The following GUF1 variants were observed in gnomAD, a reference collection of about 807,000 sequenced individuals.
The protein encoded by GUF1 is translation factor GUF1, mitochondrial.
In GUF1, 78 loss-of-function variants were observed where a neutral mutation model predicts 82.4. That is an observed-to-expected ratio of 0.95 (90% CI 0.79 to 1.14). The LOEUF is 1.14. Among genes scored for constraint, GUF1 ranks in the 50% most tolerant of loss-of-function variants. GUF1 has a pLI of 0.00. For synonymous variants in GUF1, 279 were observed against 282.3 expected (o/e 0.99, Z 0.12); for missense variants, 814 against 798.2 (o/e 1.02, Z -0.24).
In GUF1 at chr4:44,686,627, T is replaced by C. The variant is rs1191434520; in HGVS notation, c.852T>C (p.Asp284=). ...ALFDGVVSKG[D]KIVSAHTQKT... ...TTGACGGAGTGGTTTCCAAAGGAGA[T>C]AAAATTGTATCTGCACATACTCAAA... is the stretch of plus-strand genomic sequence containing the variant. The change falls in exon 8 of 17, where the codon GAT becomes GAC. Residue 284 remains aspartate, a synonymous_variant. Transcript: ENST00000281543. The C allele has an allele frequency of 6.2e-7, 1 of 1,612,118 alleles. No individual in the cohort carries two copies. Among genetic ancestry groups the C allele is most frequent in the Non-Finnish European group, 8.5e-7 (1 of 1,178,520 alleles).
At chr4:44,695,834 T>C in intron 15 of GUF1, 100 bp downstream of exon 15, 1 of 1,195,776 alleles carries the variant, frequency 8.4e-7, no homozygotes, top group Non-Finnish European at 1.2e-6. Context: ...TGGCCTAAGC[T>C]TTCTTACTTG....
At position 44,695,749 on chromosome 4, in the gene GUF1, A is replaced by G. The variant is rs772036365; in HGVS notation, c.1835+15A>G. ...GCAAGAGAAACGTGAGTTGAAATTC[A>G]TTTTTGGTCTTGAGCCAGTTTCAGA... On this transcript the variant is annotated intron_variant, in intron 15 of 16. Coordinates refer to ENST00000281543, the MANE Select transcript of GUF1 (RefSeq NM_021927.3). 6.2e-7 allele frequency: 1 copy of G among 1,605,766 alleles called. No individual in the cohort carries two copies. The highest frequency in any genetic ancestry group is 1.1e-5 in the South Asian group (1 of 89,054).
chr4:44,695,821 C>A, intron 15 of GUF1, 87 bp downstream of exon 15: 1 of 1,320,686 alleles, frequency 7.6e-7, no homozygotes, highest in South Asian at 1.4e-5. Flanking sequence ...TTTAATTTAA[C>A]ATTGGCCTAA....
rs1220610876 is a variant in GUF1, at chr4:44,698,658, C to T, written c.1987C>T (p.Leu663=). 1 of 1,602,508 alleles carries T rather than the reference C, an allele frequency of 6.2e-7. No homozygotes were observed. The highest frequency in any genetic ancestry group is 2.2e-5 in the East Asian group (1 of 44,664). ...EVPKDAFIKV[L]KTQSSK is the part of the protein sequence containing the mutation. ...TCCAAAAGATGCTTTTATAAAAGTT[C>T]TGAAAACACAATCTTCTAAATAATT... is the stretch of plus-strand genomic sequence containing the variant. Residue 663 remains leucine, a synonymous_variant, in exon 17 of 17, where the codon CTG becomes TTG. Transcript: ENST00000281543.
At chr4:44,680,404 A>G (rs781686221) in intron 1 of GUF1, 37 bp from the exon 2 acceptor site, 27 of 994,532 alleles carry the variant, frequency 2.7e-5, no homozygotes, top group Middle Eastern at 4.3e-4. Flanking sequence ...TAGTATGCCA[A>G]ATTTATACTC....
intron 9 of GUF1, 90 bp downstream of exon 9, chr4:44,688,236 G>T: frequency 7.8e-7 from 1 of 1,277,018 alleles, no homozygotes; most frequent in Non-Finnish European, 1.1e-6. Context: ...TACACATTCT[G>T]GTTATTTTAA....
intron 11 of GUF1, 143 bp downstream of exon 11, chr4:44,690,118 T>C: frequency 2.0e-6 from 1 of 502,098 alleles, no homozygotes; most frequent in Non-Finnish European, 3.1e-6. Flanking sequence ...TATTGATTAG[T>C]AGTAATAAAC....
In GUF1 at chr4:44,689,384, A is replaced by G. The variant is rs1220101070; in HGVS notation, c.1177A>G (p.Ser393Gly). Residue 393 changes from serine (S) to glycine (G), a missense_variant, in exon 10 of 17, where the codon AGC (serine) becomes GGC (glycine). Coordinates refer to ENST00000281543, the MANE Select transcript of GUF1 (RefSeq NM_021927.3). ...CAGTGTGACCGTTCATCGGGATAGT[A>G]GCCTTGCTCTGGGTGCTGGCTGGAG... Reference protein sequence around the residue: ...DSSVTVHRDSSLALGAGWRLG... With the variant: ...DSSVTVHRDSGLALGAGWRLG... 6.2e-7 allele frequency: 1 copy of G among 1,607,512 alleles called. No homozygotes were observed. Among genetic ancestry groups the G allele is most frequent in the South Asian group, 1.1e-5 (1 of 90,494 alleles).
intron 4 of GUF1, among the ~76,000 whole-genome samples, chr4:44,681,633 C>T (rs535933045): frequency 6.6e-6 from 1 of 152,244 alleles, no homozygotes; most frequent in South Asian, 2.1e-4. Flanking sequence ...AGTAACATTA[C>T]TAAGCTCTTT....
rs201208012 is a variant in GUF1, at chr4:44,689,319, A to G, written c.1112A>G (p.Asn371Ser). 2,741 of 1,609,664 alleles carry G rather than the reference A, an allele frequency of 1.7e-3. 70 individuals carry two copies. The South Asian group carries it at 0.028, about 17-fold the overall frequency. ...CCTCTAGACCAATCTGAATATAACA[A>G]TCTGAAGAGTGCTATAGAAAAACTG... ...MYPLDQSEYNNLKSAIEKLTL... is the reference protein window; with the variant it reads ...MYPLDQSEYNSLKSAIEKLTL... Residue 371 changes from asparagine to serine, a missense_variant, in exon 10 of 17, where the codon AAT becomes AGT. Asn to Ser is a conservative substitution (Grantham distance 46). Coordinates refer to ENST00000281543, the MANE Select transcript of GUF1 (RefSeq NM_021927.3).
chr4:44,682,146 C>A (rs1375705404), intron 4 of GUF1, 188 bp from the exon 5 acceptor site: 2 of 377,200 alleles, frequency 5.3e-6, no homozygotes, highest in Non-Finnish European at 9.7e-6. Flanking sequence ...CAGCGATTTT[C>A]ATATTGACCC....
Position 44,694,416 on chromosome 4 carries a change from G to A in GUF1, c.1618G>A (p.Asp540Asn). 1.2e-6 allele frequency: 2 copies of A among 1,605,384 alleles called. No homozygotes were observed. The highest frequency in any genetic ancestry group is 1.7e-6 in the Non-Finnish European group (2 of 1,173,028). ...KSLSSGYASF[D>N]YEDAGYQTAE... is the part of the protein sequence containing the mutation. ...CTTGGACTTTTTTCCTTTTAGTTTTGATTACGAAGATGCAGGCTACCAGAC... is the reference window on the plus strand; with the variant it reads ...CTTGGACTTTTTTCCTTTTAGTTTTAATTACGAAGATGCAGGCTACCAGAC... Residue 540 changes from aspartate (D) to asparagine (N), a missense_variant, in exon 14 of 17, where the codon GAT becomes AAT. Coordinates refer to ENST00000281543, the MANE Select transcript of GUF1 (RefSeq NM_021927.3).
At position 44,689,359 on chromosome 4, in the gene GUF1, C is replaced by T; in HGVS notation, c.1152C>T (p.Ser384=). 1 of 1,609,542 alleles carries T rather than the reference C, an allele frequency of 6.2e-7. No homozygotes were observed. The highest frequency in any genetic ancestry group is 8.5e-7 in the Non-Finnish European group (1 of 1,177,210). ...TAGAAAAACTGACTTTAAATGATTC[C>T]AGTGTGACCGTTCATCGGGATAGTA... ...SAIEKLTLND[S]SVTVHRDSSL... Residue 384 remains serine (S), a synonymous_variant, in exon 10 of 17, where the codon TCC becomes TCT. Coordinates refer to ENST00000281543, the MANE Select transcript of GUF1 (RefSeq NM_021927.3).
intron 6 of GUF1, among the ~76,000 whole-genome samples, chr4:44,683,958 T>C (rs1332846271): frequency 6.6e-6 from 1 of 152,132 alleles, no homozygotes; most frequent in African/African-American, 2.4e-5. Flanking sequence ...AAGTTATATA[T>C]GGTTTTATAT....
chr4:44,688,627 C>G (rs1204336213), intron 9 of GUF1, among the ~76,000 whole-genome samples: 2 of 151,812 alleles, frequency 1.3e-5, no homozygotes, highest in Non-Finnish European at 2.9e-5. Context: ...AAAAGGAAGA[C>G]CTGATTGAAG....
In GUF1 at chr4:44,680,838, C is replaced by T; in HGVS notation, c.422C>T (p.Thr141Ile). The change falls in exon 3 of 17, where the codon ACA (threonine) becomes ATA (isoleucine). Residue 141 changes from threonine to isoleucine, a missense_variant. By Grantham distance (89) the Thr-to-Ile change is moderately conservative. Coordinates refer to ENST00000281543, the MANE Select transcript of GUF1 (RefSeq NM_021927.3). ...CAGTACCTTTTAAATCTCATTGATACACCGGTAAGTTTAATATTAATTTTG... is the reference window on the plus strand; with the variant it reads ...CAGTACCTTTTAAATCTCATTGATATACCGGTAAGTTTAATATTAATTTTG... ...GKQYLLNLIDTPGHVDFSYEV... is the reference protein window; with the variant it reads ...GKQYLLNLIDIPGHVDFSYEV... The T allele has an allele frequency of 6.2e-7, 1 of 1,604,462 alleles. No individual in the cohort carries two copies.
chr4:44,698,908 G>C lies in GUF1; in HGVS notation c.*227G>C, dbSNP rs367801066. On this transcript the variant is annotated 3_prime_UTR_variant, in exon 17 of 17. Transcript: ENST00000281543. Reference sequence around the variant, plus strand: ...CTCACTAGTAAGGTGACCGTGGCCAGATTAACCTTTGTTTCCTCTTCAGTA... The same window carrying C: ...CTCACTAGTAAGGTGACCGTGGCCACATTAACCTTTGTTTCCTCTTCAGTA... The C allele has an allele frequency of 2.5e-6, 1 of 403,858 alleles. No individual in the cohort carries two copies. Among genetic ancestry groups the C allele is most frequent in the Non-Finnish European group, 4.4e-6 (1 of 227,370 alleles). The allele number at this position is 403,858 out of a possible 1,614,324, so 25.0% of individuals were successfully genotyped here. A position where few individuals can be genotyped will look rare whatever the true frequency, so the allele number is the denominator to read the frequency against.
chr4:44,688,956 G>C (rs1464781230), intron 9 of GUF1, among the ~76,000 whole-genome samples: 1 of 150,624 alleles, frequency 6.6e-6, no homozygotes, highest in African/African-American at 2.4e-5. Flanking sequence ...GGAATGTCTT[G>C]TGCTTTTGTT....
At chr4:44,680,915 T>A in intron 3 of GUF1, 73 bp downstream of exon 3, 1 of 1,344,470 alleles carries the variant, frequency 7.4e-7, no homozygotes, top group Non-Finnish European at 1.0e-6. Flanking sequence ...GATCCTTGTT[T>A]AATTTTTGAA....
Sources: gnomAD v4.1 joint callset for allele counts (sites outside exome capture counted in the v4.1 genomes callset) on GRCh38, gnomAD v4.1.1 for gene constraint, MANE v1.5 for transcripts, NCBI Gene and HGNC (gene_info 2026-07-23, HGNC 2026-07-21) for gene names.